HOOK2: variants seen among roughly 807,000 people sequenced by gnomAD.
HOOK2 encodes the protein protein Hook homolog 2.
A neutral mutation model predicts 111.9 loss-of-function variants in HOOK2; 108 were observed. The ratio of observed to expected loss-of-function variants is 0.96; its 90% confidence interval spans 0.83 to 1.13. The LOEUF (loss-of-function observed/expected upper bound fraction) is 1.13, where lower values mean the gene tolerates loss of function less well. Among genes scored for constraint, HOOK2 ranks in the 50% most tolerant of loss-of-function variants. HOOK2 has a pLI of 0.00. For synonymous variants in HOOK2, 405 were observed against 394.3 expected, an observed-to-expected ratio of 1.03 and a Z score of -0.32; for missense variants, 978 against 951.3, an observed-to-expected ratio of 1.03 and a Z score of -0.37.
upstream of HOOK2, among the ~76,000 whole-genome samples, chr19:12,778,097 C>T (rs992773193): frequency 6.8e-6 from 1 of 146,012 alleles, no homozygotes; most frequent in Non-Finnish European, 1.5e-5. Flanking sequence ...GGTAGACGGG[C>T]GGGGTAATGT....
intron 3 of HOOK2, among the ~76,000 whole-genome samples, chr19:12,788,316 T>G (rs1328093439): frequency 6.6e-6 from 1 of 152,154 alleles, no homozygotes; most frequent in Admixed American, 6.5e-5. Flanking sequence ...TTTTGCTGGA[T>G]TGTTGGAAGC....
chr19:12,765,164 C>T, intron 18 of HOOK2, 83 bp from the exon 19 acceptor site: 1 of 1,390,072 alleles, frequency 7.2e-7, no homozygotes, highest in Non-Finnish European at 1.0e-6. Context: ...GACCTCCCCG[C>T]CAGCCAGAAA....
intron 18 of HOOK2, 156 bp from the exon 19 acceptor site, chr19:12,765,237 G>T: frequency 1.4e-6 from 1 of 708,242 alleles, no homozygotes; most frequent in Non-Finnish European, 2.4e-6. Context: ...GTGTGCCCTG[G>T]TCCCACCGGC....
intron 6 of HOOK2, 143 bp from the exon 7 acceptor site, chr19:12,772,395 G>T: frequency 9.4e-7 from 1 of 1,065,680 alleles, no homozygotes; most frequent in Non-Finnish European, 1.4e-6. Flanking sequence ...CTGCCCTCCT[G>T]CCTCCAACAC....
upstream of HOOK2, among the ~76,000 whole-genome samples, chr19:12,776,593 C>T (rs1366340191): frequency 6.8e-6 from 1 of 147,522 alleles, no homozygotes; most frequent in Non-Finnish European, 1.5e-5. Flanking sequence ...GCAGGAGAAT[C>T]GCTTGAACCC....
At position 12,763,689 on chromosome 19, in the gene HOOK2, A is replaced by G. The variant is rs1471984472; in HGVS notation, c.1917T>C (p.Asp639=). ...CCACCTCCAGGTGTCGGATGCGGAC[A>G]TCCCGTTCTCGGAGCTGTGTCCTCA... ...HSLRTQLRER[D]VRIRHLEMDF... The change falls in exon 21 of 23, where the codon GAT becomes GAC. Residue 639 remains aspartate (D), a synonymous_variant. Transcript: ENST00000397668. 1.2e-6 allele frequency: 2 copies of G among 1,614,096 alleles called. No individual in the cohort carries two copies. The highest frequency in any genetic ancestry group is 1.7e-6 in the Non-Finnish European group (2 of 1,180,032).
chr19:12,771,270 C>A lies in HOOK2; in HGVS notation c.650G>T (p.Gly217Val). 1 of 1,605,542 alleles carries A rather than the reference C, an allele frequency of 6.2e-7. No homozygotes were observed. Among genetic ancestry groups the A allele is most frequent in the Non-Finnish European group, 8.5e-7 (1 of 1,175,820 alleles). ...AGGCCGGCCCATCCGCTCCCGCAGC[C>A]CTGCATTCTCTTGCGCCAGGCTCTG... is the stretch of plus-strand genomic sequence containing the variant. ...EKQSLAQENA[G>V]LRERMGRPEG... The change falls in exon 9 of 23, where the codon GGG becomes GTG. Residue 217 changes from glycine (G) to valine (V), a missense_variant. This residue lies in a region of HOOK2 where 301 missense variants were observed against 286.1 expected (regional missense o/e 1.05). Transcript: ENST00000397668.
chr19:12,775,026 T>C, intron 1 of HOOK2, 129 bp from the exon 2 acceptor site: 1 of 1,114,416 alleles, frequency 9.0e-7, no homozygotes, highest in Admixed American at 2.1e-5. Flanking sequence ...ACAGCAGCTC[T>C]GCGAGGGACT....
intron 3 of HOOK2, 191 bp from the exon 4 acceptor site, chr19:12,773,235 T>A: frequency 2.4e-5 from 6 of 250,350 alleles, no homozygotes; most frequent in East Asian, 1.4e-4. Context: ...TTGTTTCTTT[T>A]TTTTTTTTTT....
At position 12,766,127 on chromosome 19, in the gene HOOK2, C is replaced by T; in HGVS notation, c.1487G>A (p.Arg496His). Residue 496 changes from arginine to histidine, a missense_variant, in exon 15 of 23, where the codon CGC becomes CAC. This residue lies in a region of HOOK2 where 388 missense variants were observed against 358.3 expected (regional missense o/e 1.08). Coordinates refer to ENST00000397668, the MANE Select transcript of HOOK2 (RefSeq NM_013312.3). ...CCGGTGCTGCGTCTCCAACCCGTGGCGCGCGCGGTTGGCATCCTCCAGGTG... is the reference window on the plus strand; with the variant it reads ...CCGGTGCTGCGTCTCCAACCCGTGGTGCGCGCGGTTGGCATCCTCCAGGTG... Reference protein sequence around the residue: ...QRHLEDANRARHGLETQHRLN... With the variant: ...QRHLEDANRAHHGLETQHRLN... The T allele has an allele frequency of 6.2e-7, 1 of 1,601,774 alleles. No homozygotes were observed. Among genetic ancestry groups the T allele is most frequent in the Non-Finnish European group, 8.5e-7 (1 of 1,178,886 alleles).
Position 12,763,581 on chromosome 19 carries a change from G to A in HOOK2, c.1957C>T (p.Arg653Ter), listed in dbSNP as rs1568357106. ...TTTTCTTCCTGCTCCCGCTGACTTC[G>A]GCTTTTCTCAAAGTCCATCTGTCAA... is the stretch of plus-strand genomic sequence containing the variant. ...RHLEMDFEKS[R>*]SQREQEEKLL... Residue 653 changes from arginine to a stop codon, truncating the protein, a stop_gained, in exon 22 of 23, where the codon CGA becomes TGA. Transcript: ENST00000397668. LOFTEE classifies it high-confidence loss of function. The A allele has an allele frequency of 3.1e-6, 5 of 1,614,064 alleles. No individual in the cohort carries two copies. Among genetic ancestry groups the A allele is most frequent in the African/African-American group, 1.3e-5 (1 of 74,914 alleles).
At chr19:12,788,054 CAAAA>C (rs1438950972) in intron 3 of HOOK2, among the ~76,000 whole-genome samples, 1 of 152,080 alleles carries the variant, frequency 6.6e-6, no homozygotes, top group Admixed American at 6.6e-5. Context: ...GACTCCATCT[CAAAA>C]AACAAACAAA....
intron 3 of HOOK2, chr19:12,785,163 CACAT>C (rs1244990023): frequency 1.3e-5 from 2 of 153,042 alleles, no homozygotes; most frequent in African/African-American, 2.4e-5. Flanking sequence ...CACACATGCA[CACAT>C]ACAAACGGAG....
At chr19:12,792,240 G>A in intron 3 of HOOK2, 1 of 1,516,622 alleles carries the variant, frequency 6.6e-7, no homozygotes, top group Non-Finnish European at 8.9e-7. Context: ...ACCCCCCAAC[G>A]TGTCCCTGGG....
intron 14 of HOOK2, chr19:12,766,462 C>T (rs1599476983): frequency 1.9e-6 from 1 of 524,474 alleles, no homozygotes; most frequent in East Asian, 3.3e-5. Flanking sequence ...TAGGCAGGGG[C>T]GGAGCTACAA....
Position 12,764,882 on chromosome 19 carries a change from G to A in HOOK2, c.1759C>T (p.Gln587Ter). The change falls in exon 20 of 23, where the codon CAG becomes TAG. Residue 587 changes from glutamine (Q) to a stop codon, truncating the protein, a stop_gained. Coordinates refer to ENST00000397668, the MANE Select transcript of HOOK2 (RefSeq NM_013312.3). LOFTEE classifies it high-confidence loss of function. ...GCCCGCAAGTCCGCGTCCTTCTTCT[G>A]CAAGTTATGCTGCAGCTCCTCGATC... ...RRIEELQHNLQKKDADLRAME... is the reference protein window; with the variant it reads ...RRIEELQHNL 2 of 1,614,164 alleles carry A rather than the reference G, an allele frequency of 1.2e-6. No individual in the cohort carries two copies. The highest frequency in any genetic ancestry group is 2.2e-5 in the East Asian group (1 of 44,874).
intron 3 of HOOK2, among the ~76,000 whole-genome samples, chr19:12,788,748 C>T (rs958258720): frequency 1.2e-4 from 19 of 152,260 alleles, no homozygotes; most frequent in African/African-American, 4.6e-4. Flanking sequence ...CGCTGCGCCC[C>T]CGCGGGGCCC....
chr19:12,775,047 C>T (rs1968456305), intron 1 of HOOK2, 150 bp from the exon 2 acceptor site: 2 of 1,107,438 alleles, frequency 1.8e-6, no homozygotes, highest in Non-Finnish European at 1.3e-6. Context: ...GGCTTCTGCT[C>T]ACCTGAGACC....
intron 13 of HOOK2, 59 bp from the exon 14 acceptor site, chr19:12,767,523 G>A (rs761930736): frequency 7.2e-7 from 1 of 1,392,764 alleles, no homozygotes; most frequent in Non-Finnish European, 1.0e-6. Context: ...CGCCCCTAGG[G>A]TCTTCTTCCC....
Sources: allele counts gnomAD v4.1 joint callset (sites outside exome capture counted in the v4.1 genomes callset), GRCh38; gene constraint gnomAD v4.1.1; regional missense constraint gnomAD v4.1.1; transcripts MANE v1.5; gene names NCBI Gene and HGNC (gene_info 2026-07-23, HGNC 2026-07-21).